Variants in SIM1 observed in about 807,000 individuals in gnomAD.
SIM1 encodes SIM bHLH transcription factor 1, also known as single-minded homolog 1.
SIM1 carries 18 observed loss-of-function variants against 78.2 expected under a neutral mutation model. The ratio of observed to expected loss-of-function variants is 0.23; its 90% confidence interval spans 0.16 to 0.34. The LOEUF is 0.34. Among genes scored for constraint, SIM1 ranks in the 10% least tolerant of loss-of-function variants. The probability of loss-of-function intolerance (pLI) is 1.00; values close to 1 mark genes in which losing one functional copy is unlikely to be tolerated. For missense variants in SIM1, 939 were observed against 975.1 expected (o/e 0.96, Z 0.49); for synonymous variants, 417 against 385.2 (o/e 1.08, Z -0.97).
At chr6:100,443,352 C>A (rs903380996) in intron 9 of SIM1, among the ~76,000 whole-genome samples, 2 of 152,066 alleles carry the variant, frequency 1.3e-5, no homozygotes. Flanking sequence ...GAGAAGCTGT[C>A]TTTGCTAAGA....
chr6:100,412,893 T>A (rs1400478293), intron 10 of SIM1, among the ~76,000 whole-genome samples: 2 of 150,980 alleles, frequency 1.3e-5, no homozygotes, highest in East Asian at 3.9e-4. Context: ...ACACCAGGAG[T>A]TTATTAACTG....
intron 9 of SIM1, among the ~76,000 whole-genome samples, chr6:100,442,470 T>C (rs981490712): frequency 1.3e-5 from 2 of 152,114 alleles, no homozygotes; most frequent in Non-Finnish European, 2.9e-5. Context: ...TTCAATATTA[T>C]CTTAGTAAAG....
At chr6:100,450,665 G>GTC (rs374252955) in intron 3 of SIM1, among the ~76,000 whole-genome samples, 1,770 of 117,254 alleles carry the variant, frequency 0.015, 21 homozygotes, top group Non-Finnish European at 0.019. Context: ...CACACACACT[G>GTC]TCTCTCTCTC....
chr6:100,435,537 A>C (rs2114523623), intron 9 of SIM1, among the ~76,000 whole-genome samples: 1 of 152,252 alleles, frequency 6.6e-6, no homozygotes, highest in South Asian at 2.1e-4. Context: ...CTTCCTAAGC[A>C]TGCAATGAAC....
intron 10 of SIM1, among the ~76,000 whole-genome samples, chr6:100,412,619 AGAAG>A (rs769925565): frequency 0.027 from 2,803 of 103,426 alleles, 336 homozygotes; most frequent in East Asian, 0.18. Context: ...AAGGAAAGAA[AGAAG>A]GAAAGAAAGA....
chr6:100,438,561 T>C (rs1271777542), intron 9 of SIM1, among the ~76,000 whole-genome samples: 1 of 152,124 alleles, frequency 6.6e-6, no homozygotes. Flanking sequence ...GGGCATTCCT[T>C]AAGGAACTAA....
At position 100,390,754 on chromosome 6, in the gene SIM1, T is replaced by C; in HGVS notation, c.1908A>G (p.Arg636=). The C allele has an allele frequency of 6.2e-7, 1 of 1,614,136 alleles. No individual in the cohort carries two copies. The highest frequency in any genetic ancestry group is 8.5e-7 in the Non-Finnish European group (1 of 1,180,022). Residue 636 remains arginine, a synonymous_variant, in exon 12 of 12, where the codon AGA becomes AGG. Coordinates refer to ENST00000369208, the MANE Select transcript of SIM1 (RefSeq NM_005068.3). ...NTSPCDHIQQ[R]EGKMLSPHEN... is the part of the protein sequence containing the mutation. Reference sequence around the variant, plus strand: ...CATGGGGGCTCAACATTTTTCCCTCTCTCTGCTGGATATGGTCACATGGTG... The same window carrying C: ...CATGGGGGCTCAACATTTTTCCCTCCCTCTGCTGGATATGGTCACATGGTG...
intron 9 of SIM1, among the ~76,000 whole-genome samples, chr6:100,436,165 A>G (rs1190625403): frequency 1.3e-5 from 2 of 152,104 alleles, no homozygotes; most frequent in African/African-American, 4.8e-5. Context: ...TCTTCCTTCT[A>G]ATTGTGAGTG....
chr6:100,418,050 C>G (rs1355392187), intron 10 of SIM1, among the ~76,000 whole-genome samples: 1 of 151,988 alleles, frequency 6.6e-6, no homozygotes, highest in African/African-American at 2.4e-5. Flanking sequence ...TAGAACATTT[C>G]TAGAAGAAAG....
intron 9 of SIM1, among the ~76,000 whole-genome samples, chr6:100,437,929 T>C (rs1037207614): frequency 2.0e-4 from 31 of 152,294 alleles, no homozygotes; most frequent in African/African-American, 7.2e-4. Context: ...TGCTCAGTTC[T>C]GGATCCCCGT....
intron 9 of SIM1, among the ~76,000 whole-genome samples, chr6:100,436,688 G>T (rs1021774853): frequency 4.6e-5 from 7 of 151,822 alleles, no homozygotes; most frequent in African/African-American, 1.7e-4. Flanking sequence ...GCATCTTACA[G>T]GTTTTTGTTG....
intron 3 of SIM1, 78 bp from the exon 4 acceptor site, chr6:100,450,434 T>C (rs1257647456): frequency 8.3e-6 from 11 of 1,324,816 alleles, no homozygotes; most frequent in African/African-American, 1.4e-5. Flanking sequence ...CAGAAGTTAG[T>C]GACTTTCAGC....
intron 9 of SIM1, among the ~76,000 whole-genome samples, chr6:100,442,920 T>C (rs1337494175): frequency 6.6e-6 from 1 of 152,118 alleles, no homozygotes; most frequent in Non-Finnish European, 1.5e-5. Flanking sequence ...GGTTTTATAT[T>C]GACAGAATAT....
intron 2 of SIM1, among the ~76,000 whole-genome samples, chr6:100,461,881 T>C (rs1582331713): frequency 6.7e-6 from 1 of 150,084 alleles, no homozygotes; most frequent in Admixed American, 6.6e-5. Flanking sequence ...TACTTTAGGC[T>C]TTCATTTCTT....
At chr6:100,408,525 T>A (rs766585763) in intron 10 of SIM1, among the ~76,000 whole-genome samples, 21 of 152,104 alleles carry the variant, frequency 1.4e-4, no homozygotes, top group Admixed American at 3.9e-4. Context: ...TTTTCAGCTT[T>A]TCACCATTGA....
rs2114454459 is a variant in SIM1 at position 100,388,193 on chromosome 6, T to A, written c.*2168A>T. On this transcript the variant is annotated 3_prime_UTR_variant, in exon 12 of 12. Coordinates refer to ENST00000369208, the MANE Select transcript of SIM1 (RefSeq NM_005068.3). ...TTTATTGTATGGTCACCCCTTGGTA[T>A]AAACAGGGAGTTGGTTCCAGGATTA... 6.6e-6 allele frequency: 1 copy of A among 152,332 alleles called. No individual in the cohort carries two copies. The highest frequency in any genetic ancestry group is 1.5e-5 in the Non-Finnish European group (1 of 68,014). 9.4% of individuals were successfully genotyped at this position (152,332 alleles called of 1,614,324 possible).
At position 100,463,770 on chromosome 6, in the gene SIM1, G is replaced by A. The variant is rs1772918677; in HGVS notation, c.-302C>T. The A allele has an allele frequency of 3.9e-6, 1 of 254,888 alleles. No homozygotes were observed. The highest frequency in any genetic ancestry group is 5.1e-5 in the Admixed American group (1 of 19,686). 15.8% of individuals were successfully genotyped at this position (254,888 alleles called of 1,614,324 possible). A position where few individuals can be genotyped will look rare whatever the true frequency, so the allele number is the denominator to read the frequency against. On this transcript the variant is annotated 5_prime_UTR_variant, in exon 2 of 12. Coordinates refer to ENST00000369208, the MANE Select transcript of SIM1 (RefSeq NM_005068.3). ...GTCGTTCAGGGTATCAAATGCCAGT[G>A]GGACCCCTGAGGAGCCAGCCTTTTC...
intron 9 of SIM1, among the ~76,000 whole-genome samples, chr6:100,439,185 T>C (rs1772141336): frequency 6.6e-6 from 1 of 152,188 alleles, no homozygotes; most frequent in Non-Finnish European, 1.5e-5. Flanking sequence ...AAAACCTAGC[T>C]TAAACAAGAG....
intron 10 of SIM1, among the ~76,000 whole-genome samples, chr6:100,401,356 AAAT>A (rs1770910882): frequency 6.6e-6 from 1 of 152,156 alleles, no homozygotes; most frequent in Admixed American, 6.5e-5. Flanking sequence ...ACTAGAGAGA[AAAT>A]AACAAATGCT....
Sources: allele counts gnomAD v4.1 joint callset (sites outside exome capture counted in the v4.1 genomes callset), GRCh38; gene constraint gnomAD v4.1.1; transcripts MANE v1.5; gene names NCBI Gene and HGNC (gene_info 2026-07-23, HGNC 2026-07-21).